PCDHA13: variants seen among roughly 807,000 people sequenced by gnomAD.
The protein encoded by PCDHA13 is protocadherin alpha-13.
In PCDHA13, 54 loss-of-function variants were observed where a neutral mutation model predicts 64.8. That is an observed-to-expected ratio of 0.83 (90% CI 0.67 to 1.04). The LOEUF is 1.04. PCDHA13 is among the 50% of genes least tolerant of loss of function. The pLI is 0.00. For missense variants in PCDHA13, 1,248 were observed against 1,254.3 expected (o/e 0.99, Z 0.08); for synonymous variants, 587 against 564.4 (o/e 1.04, Z -0.57).
At chr5:140,968,446 C>T in intron 1 of PCDHA13, 1 of 1,614,046 alleles carries the variant, frequency 6.2e-7, no homozygotes, top group Non-Finnish European at 8.5e-7. Context: ...CACCACTGAG[C>T]AGCACTGTGA....
At chr5:140,936,112 C>T (rs782017334) in intron 1 of PCDHA13, among the ~76,000 whole-genome samples, 2 of 152,008 alleles carry the variant, frequency 1.3e-5, no homozygotes, top group Non-Finnish European at 2.9e-5. Context: ...AGGCTGGTCT[C>T]GAACTCCTGA....
chr5:140,899,531 CA>C (rs2067387177), intron 1 of PCDHA13, among the ~76,000 whole-genome samples: 1 of 152,140 alleles, frequency 6.6e-6, no homozygotes, highest in Non-Finnish European at 1.5e-5. Context: ...GGATGAAGCC[CA>C]CTTGATCATG....
chr5:140,898,671 G>A lies in PCDHA13; in HGVS notation c.2394+14009G>A, dbSNP rs1419362877. 2.2e-4 allele frequency among the ~76,000 whole-genome samples: 33 copies of A among 152,200 alleles called. No homozygotes were observed. The East Asian group carries it at 2.3e-3, about 11-fold the overall frequency. On this transcript the variant is annotated intron_variant, in intron 1 of 3. Transcript: ENST00000289272. ...TGGCTTAGGATTGACTTGGTGTTGCGGGCTGTTTTTTGGTTCCATATGAAC... is the reference window on the plus strand; with the variant it reads ...TGGCTTAGGATTGACTTGGTGTTGCAGGCTGTTTTTTGGTTCCATATGAAC...
At chr5:140,973,720 A>G (rs781883210) in intron 1 of PCDHA13, among the ~76,000 whole-genome samples, 1 of 152,194 alleles carries the variant, frequency 6.6e-6, no homozygotes, top group Non-Finnish European at 1.5e-5. Flanking sequence ...GAGCCATCAC[A>G]TGGGCATCTG....
intron 3 of PCDHA13, among the ~76,000 whole-genome samples, chr5:140,988,517 T>C (rs184897922): frequency 3.0e-3 from 461 of 152,278 alleles, no homozygotes; most frequent in Middle Eastern, 0.014. Context: ...CTTACTTAAG[T>C]CTCTGCTGGC....
At chr5:140,974,647 G>GATT (rs2096635431) in intron 1 of PCDHA13, among the ~76,000 whole-genome samples, 1 of 152,068 alleles carries the variant, frequency 6.6e-6, no homozygotes, top group African/African-American at 2.4e-5. Context: ...GAGTAGCTGA[G>GATT]ATTACAGGCA....
At chr5:140,928,032 TAGTGC>T (rs782031018) in intron 1 of PCDHA13, 7 of 1,614,216 alleles carry the variant, frequency 4.3e-6, no homozygotes, top group Non-Finnish European at 5.9e-6. Context: ...GTGGCATGTC[TAGTGC>T]AGGCCCTTTT....
intron 1 of PCDHA13, among the ~76,000 whole-genome samples, chr5:140,941,284 TTCTCTTTC>T (rs1330714341): frequency 4.0e-5 from 5 of 124,574 alleles, no homozygotes; most frequent in African/African-American, 1.4e-4. Context: ...CTTCCTTCCT[TTCTCTTTC>T]TTTCTTTCTT....
chr5:140,922,926 T>C (rs1476173998), intron 1 of PCDHA13, among the ~76,000 whole-genome samples: 2 of 152,222 alleles, frequency 1.3e-5, no homozygotes, highest in African/African-American at 4.8e-5. Context: ...CTTCAGACTT[T>C]TACTTCCAGC....
At chr5:140,966,490 T>G (rs533525977) in intron 1 of PCDHA13, 2 of 437,964 alleles carry the variant, frequency 4.6e-6, no homozygotes, top group Non-Finnish European at 7.9e-6. Flanking sequence ...TCCCTCCCCC[T>G]GGAGCTGTAG....
intron 3 of PCDHA13, among the ~76,000 whole-genome samples, chr5:141,001,297 A>G (rs1367498675): frequency 1.3e-5 from 2 of 152,202 alleles, no homozygotes; most frequent in African/African-American, 2.4e-5. Context: ...ACTGAGGCCC[A>G]GAGATATGAA....
intron 1 of PCDHA13, among the ~76,000 whole-genome samples, chr5:140,894,786 C>T (rs990092948): frequency 6.6e-6 from 1 of 151,576 alleles, no homozygotes; most frequent in Non-Finnish European, 1.5e-5. Flanking sequence ...AATTATTTGT[C>T]CTCTCCTTTA....
chr5:140,982,666 T>G (rs2096995489), intron 3 of PCDHA13, 103 bp downstream of exon 3: 4 of 1,467,448 alleles, frequency 2.7e-6, no homozygotes. Context: ...TTCTTTTATA[T>G]TTTTGTTATT....
intron 1 of PCDHA13, among the ~76,000 whole-genome samples, chr5:140,914,132 T>G (rs1554196213): frequency 6.6e-6 from 1 of 152,152 alleles, no homozygotes; most frequent in Non-Finnish European, 1.5e-5. Context: ...CTTTGTTGAG[T>G]TTTTGTCTGT....
At chr5:140,978,903 C>T in intron 1 of PCDHA13, 46 bp from the exon 2 acceptor site, 4 of 1,613,202 alleles carry the variant, frequency 2.5e-6, no homozygotes, top group Middle Eastern at 1.7e-4. Flanking sequence ...CCTGGGAGAA[C>T]ATTGTCTTGT....
intron 3 of PCDHA13, among the ~76,000 whole-genome samples, chr5:140,987,213 C>CAA (rs58319157): frequency 8.4e-5 from 10 of 118,874 alleles, no homozygotes; most frequent in Non-Finnish European, 1.2e-4. Flanking sequence ...GACTCCATCT[C>CAA]AAAAAAAAAA....
At chr5:140,954,406 G>A (rs556455987) in intron 1 of PCDHA13, among the ~76,000 whole-genome samples, 2 of 152,268 alleles carry the variant, frequency 1.3e-5, no homozygotes, top group East Asian at 3.9e-4. Flanking sequence ...CACCAACAGG[G>A]TAAAGGTGTT....
chr5:140,890,294 G>A (rs1554184246), intron 1 of PCDHA13, among the ~76,000 whole-genome samples: 1 of 152,132 alleles, frequency 6.6e-6, no homozygotes, highest in Non-Finnish European at 1.5e-5. Flanking sequence ...GTCAGAACCA[G>A]GAGAGGTAAT....
At chr5:140,891,819 G>C (rs1282245838) in intron 1 of PCDHA13, among the ~76,000 whole-genome samples, 3 of 152,098 alleles carry the variant, frequency 2.0e-5, no homozygotes, top group African/African-American at 7.2e-5. Context: ...ATAAATTAAC[G>C]GCACTGTAAA....
Sources: gnomAD v4.1 joint callset for allele counts (sites outside exome capture counted in the v4.1 genomes callset) on GRCh38, gnomAD v4.1.1 for gene constraint, MANE v1.5 for transcripts, NCBI Gene and HGNC (gene_info 2026-07-23, HGNC 2026-07-21) for gene names.